Variants in CRACD observed in about 807,000 individuals in gnomAD.
CRACD encodes the protein capping protein-inhibiting regulator of actin dynamics.
In CRACD, 56 loss-of-function variants were observed where a neutral mutation model predicts 106.8. That is an observed-to-expected ratio of 0.52 (90% CI 0.42 to 0.66). CRACD has a LOEUF of 0.66. Ranked by LOEUF, CRACD falls within the 30% of genes least tolerant of loss-of-function variation. CRACD has a pLI of 0.00. For missense variants in CRACD, 1,730 were observed against 1,623.2 expected, an observed-to-expected ratio of 1.07 and a Z score of -1.13; for synonymous variants, 754 against 670.8, an observed-to-expected ratio of 1.12 and a Z score of -1.92.
intron 8 of CRACD, chr4:56,320,896 T>C: frequency 5.6e-6 from 1 of 178,228 alleles, no homozygotes; most frequent in Non-Finnish European, 1.2e-5. Flanking sequence ...AGCAGAAGCC[T>C]GTCAGGCACT....
chr4:56,120,951 A>C (rs1186029981), intron 1 of CRACD, among the ~76,000 whole-genome samples: 1 of 152,232 alleles, frequency 6.6e-6, no homozygotes, highest in Non-Finnish European at 1.5e-5. Flanking sequence ...ACACAGCATC[A>C]GTCAGCGCTA....
intron 1 of CRACD, among the ~76,000 whole-genome samples, chr4:56,165,952 T>C (rs1163740572): frequency 6.6e-6 from 1 of 152,154 alleles, no homozygotes; most frequent in African/African-American, 2.4e-5. Flanking sequence ...CCTGGAACTC[T>C]TGGGCTTAAG....
chr4:56,171,460 G>T (rs1560470791), intron 1 of CRACD, among the ~76,000 whole-genome samples: 1 of 152,160 alleles, frequency 6.6e-6, no homozygotes. Flanking sequence ...GTAGATCAGA[G>T]ACTGGTGGGT....
chr4:56,167,228 T>C (rs114174824), intron 1 of CRACD, among the ~76,000 whole-genome samples: 2 of 152,374 alleles, frequency 1.3e-5, no homozygotes, highest in African/African-American at 4.8e-5. Context: ...GTGTTATATC[T>C]GTAGAACTAT....
Position 56,168,757 on chromosome 4 carries a change from A to G in CRACD, c.-335-10527A>G, listed in dbSNP as rs150219923. ...TTGTATATGCAAAGGATCCCTAGAA[A>G]GACACAAAGACACAAAGAAATTGGA... On this transcript the variant is annotated intron_variant, in intron 1 of 10. Coordinates refer to ENST00000682029, the MANE Select transcript of CRACD (RefSeq NM_001393381.1). Among the ~76,000 whole-genome samples, 303 of 151,496 alleles carry G rather than the reference A, an allele frequency of 2.0e-3. 1 individual carries two copies. Among genetic ancestry groups the G allele is most frequent in the African/African-American group, 7.0e-3 (288 of 41,402 alleles).
chr4:56,186,833 G>A (rs147250631), intron 2 of CRACD, among the ~76,000 whole-genome samples: 19 of 152,230 alleles, frequency 1.2e-4, no homozygotes, highest in Middle Eastern at 3.4e-3. Flanking sequence ...AGGCCATGGC[G>A]GGAAGACTGC....
chr4:56,314,087 C>A lies in CRACD; in HGVS notation c.585C>A (p.Asp195Glu), dbSNP rs775775441. Residue 195 changes from aspartate to glutamate, a missense_variant, in exon 8 of 11, where the codon GAC (aspartate) becomes GAA (glutamate). By Grantham distance (45) the Asp-to-Glu change is conservative. Transcript: ENST00000682029. This position sits in a 1 kb window ranked among gnomAD's most constrained non-coding sequence, Gnocchi z 4.4. ...QGGLESRPCL[D>E]QNGHPGEDKP... ...GCCTTGAGAGTCGGCCCTGCCTGGA[C>A]CAGAACGGACACCCAGGCGAGGACA... 2.1e-5 allele frequency: 34 copies of A among 1,614,138 alleles called. No homozygotes were observed. In the Middle Eastern group the frequency reaches 4.9e-4, roughly 23 times the overall value.
chr4:56,155,404 A>T (rs984247814), intron 1 of CRACD, among the ~76,000 whole-genome samples: 25 of 152,242 alleles, frequency 1.6e-4, no homozygotes, highest in African/African-American at 5.8e-4. Context: ...AATGACATGG[A>T]ACCCGTGGGT....
At chr4:56,228,935 A>G (rs775654988) in intron 2 of CRACD, among the ~76,000 whole-genome samples, 61 of 152,244 alleles carry the variant, frequency 4.0e-4, no homozygotes, top group Non-Finnish European at 6.9e-4. Context: ...CCTTGAGCCT[A>G]TGTATTTGAC....
At position 56,272,398 on chromosome 4, in the gene CRACD, C is replaced by T. The variant is rs368222551; in HGVS notation, c.-111C>T. ...GAAAAAGAAAGACCCTTCGTTGTTC[C>T]GGGTGCCGTCGTTGGGGAAGAAGAG... On this transcript the variant is annotated 5_prime_UTR_variant, in exon 3 of 11. Transcript: ENST00000682029. The T allele has an allele frequency of 2.6e-5, 4 of 152,656 alleles. No individual in the cohort carries two copies. The highest frequency in any genetic ancestry group is 1.3e-4 in the Admixed American group (2 of 15,274). The allele number at this position is 152,656 out of a possible 1,614,324, so 9.5% of individuals were successfully genotyped here.
intron 2 of CRACD, among the ~76,000 whole-genome samples, chr4:56,254,689 C>G (rs1741243570): frequency 6.6e-6 from 1 of 152,102 alleles, no homozygotes; most frequent in African/African-American, 2.4e-5. Flanking sequence ...CATAGTAAAA[C>G]TAGTGACTTC....
chr4:56,069,336 T>C (rs2109794367), intron 1 of CRACD, among the ~76,000 whole-genome samples: 1 of 152,332 alleles, frequency 6.6e-6, no homozygotes, highest in South Asian at 2.1e-4. Context: ...AAAAGATTGC[T>C]GTTGGGGTTA....
chr4:56,132,499 C>T (rs1218797087), intron 1 of CRACD, among the ~76,000 whole-genome samples: 1 of 151,964 alleles, frequency 6.6e-6, no homozygotes, highest in Non-Finnish European at 1.5e-5. Context: ...TGCACCACCA[C>T]ATTTGGTTAA....
intron 3 of CRACD, among the ~76,000 whole-genome samples, chr4:56,295,779 G>T (rs1743985496): frequency 6.7e-6 from 1 of 149,612 alleles, no homozygotes; most frequent in Admixed American, 6.7e-5. Flanking sequence ...GTCATAACCA[G>T]GGATCTGAAA....
At chr4:56,240,312 C>T (rs1220863350) in intron 2 of CRACD, among the ~76,000 whole-genome samples, 6 of 151,986 alleles carry the variant, frequency 3.9e-5, no homozygotes, top group Non-Finnish European at 8.8e-5. Context: ...ATTCCTAACA[C>T]AGACTGGGGA....
intron 1 of CRACD, among the ~76,000 whole-genome samples, chr4:56,162,149 A>T (rs1735981994): frequency 6.6e-6 from 1 of 152,020 alleles, no homozygotes. Context: ...TGGATCAGAG[A>T]TGGGTAGATT....
intron 1 of CRACD, among the ~76,000 whole-genome samples, chr4:56,152,440 C>G (rs1212568263): frequency 6.6e-6 from 1 of 151,786 alleles, no homozygotes; most frequent in Non-Finnish European, 1.5e-5. Context: ...TTGAGACCAG[C>G]CTGGACAACA....
At chr4:56,299,224 A>T (rs1744225674) in intron 4 of CRACD, among the ~76,000 whole-genome samples, 1 of 152,134 alleles carries the variant, frequency 6.6e-6, no homozygotes, top group South Asian at 2.1e-4. Flanking sequence ...CCTACCTAAA[A>T]TCTACTCGGG....
chr4:56,145,868 C>T (rs989503237), intron 1 of CRACD, among the ~76,000 whole-genome samples: 2 of 152,128 alleles, frequency 1.3e-5, no homozygotes, highest in African/African-American at 4.8e-5. Flanking sequence ...AAGTGATCTG[C>T]CCGCCTTGGC....
Sources: allele counts gnomAD v4.1 joint callset (sites outside exome capture counted in the v4.1 genomes callset), GRCh38; gene constraint gnomAD v4.1.1; non-coding constraint Gnocchi (gnomAD v3.1); transcripts MANE v1.5; gene names NCBI Gene and HGNC (gene_info 2026-07-23, HGNC 2026-07-21).